GALNT9: variants seen among roughly 807,000 people sequenced by gnomAD.
The protein encoded by GALNT9 is polypeptide N-acetylgalactosaminyltransferase 9, also known as GalNAc transferase 9.
Under a neutral mutation model 63.1 loss-of-function variants are expected in GALNT9, and 47 were observed. That is an observed-to-expected ratio of 0.75 (90% CI 0.59 to 0.95). The LOEUF (loss-of-function observed/expected upper bound fraction) is 0.95, where lower values mean the gene tolerates loss of function less well. Among genes scored for constraint, GALNT9 ranks in the 40% least tolerant of loss-of-function variants. The pLI, the probability that GALNT9 is intolerant of heterozygous loss-of-function variation, is 0.00. For missense variants in GALNT9, 829 were observed against 874.8 expected (o/e 0.95, Z 0.66); for synonymous variants, 396 against 365.7 (o/e 1.08, Z -0.94).
intron 6 of GALNT9, among the ~76,000 whole-genome samples, chr12:132,228,271 C>CA (rs1877770058): frequency 6.6e-6 from 1 of 151,996 alleles, no homozygotes; most frequent in African/African-American, 2.4e-5. Context: ...CATCCCTCCC[C>CA]GGCGTCCCTC....
At chr12:132,215,197 G>T (rs1278406947) in intron 6 of GALNT9, among the ~76,000 whole-genome samples, 2 of 152,250 alleles carry the variant, frequency 1.3e-5, no homozygotes, top group Non-Finnish European at 1.5e-5. Flanking sequence ...TTTCATCGGG[G>T]CCCTGCCTGG....
At chr12:132,214,715 A>G (rs1877114112) in intron 6 of GALNT9, among the ~76,000 whole-genome samples, 1 of 151,288 alleles carries the variant, frequency 6.6e-6, no homozygotes, top group Admixed American at 6.6e-5. Flanking sequence ...GCCTGGTGGT[A>G]CCCCCTTCTC....
chr12:132,267,795 T>TCACACACACTCACA (rs1555240327), intron 2 of GALNT9, among the ~76,000 whole-genome samples: 1 of 48,234 alleles, frequency 2.1e-5, no homozygotes, highest in Non-Finnish European at 4.3e-5. Flanking sequence ...ACACACGCAC[T>TCACACACACTCACA]CACACGCACT....
At chr12:132,304,270 C>G (rs375600241) in intron 1 of GALNT9, among the ~76,000 whole-genome samples, 104 of 33,110 alleles carry the variant, frequency 3.1e-3, no homozygotes, top group Middle Eastern at 0.038. Flanking sequence ...CCCGGGCACA[C>G]CCTCGCCCGG....
At chr12:132,229,459 G>A (rs1877815975) in intron 6 of GALNT9, among the ~76,000 whole-genome samples, 1 of 152,250 alleles carries the variant, frequency 6.6e-6, no homozygotes, top group Non-Finnish European at 1.5e-5. Context: ...AGCACTTTAT[G>A]GAGAGACTAT....
chr12:132,204,528 C>T (rs555415142), intron 6 of GALNT9, among the ~76,000 whole-genome samples: 2 of 152,284 alleles, frequency 1.3e-5, no homozygotes, highest in South Asian at 4.1e-4. Context: ...CGGGCTGGGA[C>T]GTGGGTCCTC....
Position 132,286,193 on chromosome 12 carries a change from G to T in GALNT9, c.419+57C>A. 6.6e-7 allele frequency: 1 copy of T among 1,508,408 alleles called. No individual in the cohort carries two copies. The highest frequency in any genetic ancestry group is 2.5e-5 in the East Asian group (1 of 40,032). The allele number at this position is 1,508,408 out of a possible 1,614,324, so 93.4% of individuals were successfully genotyped here. ...GGGCAGTCACTTCCCTGGCCAGTGT[G>T]GGGGGCGGTCACTTCCTCGGCGGGC... On this transcript the variant is annotated intron_variant, in intron 2 of 10. Coordinates refer to ENST00000328957, the MANE Select transcript of GALNT9 (RefSeq NM_001122636.2). This position sits in a 1 kb window ranked among gnomAD's most constrained non-coding sequence, Gnocchi z 7.4.
At chr12:132,262,651 G>A (rs547797483) in intron 2 of GALNT9, 26 bp from the exon 3 acceptor site, 91 of 1,496,710 alleles carry the variant, frequency 6.1e-5, no homozygotes, top group African/African-American at 8.6e-5. Context: ...TTTGGGGTGC[G>A]GTCAGGGCGC....
At chr12:132,216,365 G>T (rs1877194740) in intron 6 of GALNT9, among the ~76,000 whole-genome samples, 1 of 152,208 alleles carries the variant, frequency 6.6e-6, no homozygotes, top group Non-Finnish European at 1.5e-5. Flanking sequence ...AGAACAATGT[G>T]GAGGCTTTCC....
At position 132,196,867 on chromosome 12, in the gene GALNT9, A is replaced by T; in HGVS notation, c.*240T>A. The T allele has an allele frequency of 3.0e-6, 4 of 1,349,642 alleles. No individual in the cohort carries two copies. Among genetic ancestry groups the T allele is most frequent in the Non-Finnish European group, 3.8e-6 (4 of 1,049,398 alleles). The allele number at this position is 1,349,642 out of a possible 1,614,324, so 83.6% of individuals were successfully genotyped here. A position where few individuals can be genotyped will look rare whatever the true frequency, so the allele number is the denominator to read the frequency against. ...GGAGAAGGCACGTGTTTGAGTTGGC[A>T]TCACTGTCCCCAGACGCCCTCCCTC... On this transcript the variant is annotated 3_prime_UTR_variant, in exon 11 of 11. Coordinates refer to ENST00000328957, the MANE Select transcript of GALNT9 (RefSeq NM_001122636.2).
chr12:132,261,074 C>A lies in GALNT9; in HGVS notation c.635G>T (p.Gly212Val). 1 of 1,551,622 alleles carries A rather than the reference C, an allele frequency of 6.4e-7. No individual in the cohort carries two copies. Reference protein sequence around the residue: ...LDQYVNKRYPGLVKIVRNSRR... With the variant: ...LDQYVNKRYPVLVKIVRNSRR... ...GCTGTTGCGGACAATCTTCACGAGG[C>A]CTGGGTACCGCTTGTTGACGTACTG... The change falls in exon 4 of 11, where the codon GGC (glycine) becomes GTC (valine). Residue 212 changes from glycine (G) to valine (V), a missense_variant. By Grantham distance (109) the Gly-to-Val change is moderately radical. Coordinates refer to ENST00000328957, the MANE Select transcript of GALNT9 (RefSeq NM_001122636.2).
At chr12:132,313,641 C>A (rs1881900973) in intron 1 of GALNT9, among the ~76,000 whole-genome samples, 1 of 142,156 alleles carries the variant, frequency 7.0e-6, no homozygotes, top group Non-Finnish European at 1.5e-5. Context: ...CACCTACCCA[C>A]TTATCCATCC....
chr12:132,200,865 CAT>C (rs1412848911), intron 8 of GALNT9: 4 of 504,658 alleles, frequency 7.9e-6, no homozygotes, highest in South Asian at 2.3e-5. Context: ...TGTGTATGGA[CAT>C]GTGGGTCTGC....
In GALNT9 at chr12:132,257,742, G is replaced by A; in HGVS notation, c.906C>T (p.Tyr302=). ...HGYNWGLWCM[Y]IIPPQDWLDR... ...CCAGCCAGTCCTGCGGGGGGATGATGTACATGCACCAGAGGCCCCAGTTGT... is the reference window on the plus strand; with the variant it reads ...CCAGCCAGTCCTGCGGGGGGATGATATACATGCACCAGAGGCCCCAGTTGT... The change falls in exon 5 of 11, where the codon TAC becomes TAT. Residue 302 remains tyrosine (Y), a synonymous_variant. Transcript: ENST00000328957. The A allele has an allele frequency of 6.4e-7, 1 of 1,550,390 alleles. No homozygotes were observed. The highest frequency in any genetic ancestry group is 8.7e-7 in the Non-Finnish European group (1 of 1,146,782).
At chr12:132,217,479 C>T (rs1418102331) in intron 6 of GALNT9, among the ~76,000 whole-genome samples, 1 of 151,004 alleles carries the variant, frequency 6.6e-6, no homozygotes, top group Non-Finnish European at 1.5e-5. Flanking sequence ...GCCATCCATT[C>T]ACCCACCCAT....
intron 6 of GALNT9, among the ~76,000 whole-genome samples, chr12:132,218,357 C>T (rs951430454): frequency 2.0e-5 from 3 of 152,248 alleles, no homozygotes; most frequent in Non-Finnish European, 2.9e-5. Context: ...CAGGTTGTCT[C>T]ACCTGGTACA....
At chr12:132,221,486 C>CA (rs1453151753) in intron 6 of GALNT9, among the ~76,000 whole-genome samples, 3 of 146,264 alleles carry the variant, frequency 2.1e-5, no homozygotes, top group Non-Finnish European at 4.5e-5. Flanking sequence ...TGGTGAAACC[C>CA]ATCTCTACTA....
rs1189821191 is a variant in GALNT9, at chr12:132,282,370, T to G, written c.419+3880A>C. ...AAGAACAGAAAACCCAATTCAGATG[T>G]GCTTAAAGAAAAAACTAAAAATACG... On this transcript the variant is annotated intron_variant, in intron 2 of 10. Coordinates refer to ENST00000328957, the MANE Select transcript of GALNT9 (RefSeq NM_001122636.2). The surrounding 1 kb of genome is among the most constrained non-coding windows in gnomAD (Gnocchi z 4.5). Among the ~76,000 whole-genome samples the G allele has an allele frequency of 4.6e-5, 7 of 152,218 alleles. No homozygotes were observed. The highest frequency in any genetic ancestry group is 3.9e-4 in the Admixed American group (6 of 15,284).
chr12:132,306,639 G>A (rs993390665), intron 1 of GALNT9, among the ~76,000 whole-genome samples: 11 of 152,094 alleles, frequency 7.2e-5, no homozygotes, highest in African/African-American at 2.4e-4. Flanking sequence ...ACTTTCCCCA[G>A]GACGTTCTCC....
Sources: allele counts gnomAD v4.1 joint callset (sites outside exome capture counted in the v4.1 genomes callset), GRCh38; gene constraint gnomAD v4.1.1; non-coding constraint Gnocchi (gnomAD v3.1); transcripts MANE v1.5; gene names NCBI Gene and HGNC (gene_info 2026-07-23, HGNC 2026-07-21).